PDZRN4: variants seen among roughly 807,000 people sequenced by gnomAD.
The protein encoded by PDZRN4 is PDZ domain-containing RING finger protein 4.
A neutral mutation model predicts 99.0 loss-of-function variants in PDZRN4; 70 were observed. The ratio of observed to expected loss-of-function variants is 0.71; its 90% CI spans 0.58 to 0.86. PDZRN4 has a LOEUF of 0.86. PDZRN4 is among the 40% of genes least tolerant of loss of function. The pLI is 0.00. For missense variants in PDZRN4, 1,474 were observed against 1,331.2 expected, an observed-to-expected ratio of 1.11 and a Z score of -1.67; for synonymous variants, 551 against 501.6, an observed-to-expected ratio of 1.10 and a Z score of -1.32.
At chr12:41,414,191 C>G (rs1484531964) in intron 3 of PDZRN4, among the ~76,000 whole-genome samples, 1 of 152,138 alleles carries the variant, frequency 6.6e-6, no homozygotes, top group Admixed American at 6.5e-5. Context: ...GTTAGCCTGA[C>G]AGGGCTCCCT....
At chr12:41,483,473 G>C (rs1937715732) in intron 3 of PDZRN4, among the ~76,000 whole-genome samples, 1 of 152,116 alleles carries the variant, frequency 6.6e-6, no homozygotes, top group Admixed American at 6.6e-5. Flanking sequence ...GACAGTGACT[G>C]AGATTCCCAA....
At chr12:41,457,432 T>C (rs978582919) in intron 3 of PDZRN4, among the ~76,000 whole-genome samples, 8 of 152,236 alleles carry the variant, frequency 5.3e-5, no homozygotes, top group African/African-American at 1.9e-4. Flanking sequence ...TGCTGGAATT[T>C]TAAAGACGAT....
intron 3 of PDZRN4, among the ~76,000 whole-genome samples, chr12:41,414,540 T>C (rs1952427325): frequency 6.6e-6 from 1 of 151,970 alleles, no homozygotes; most frequent in Non-Finnish European, 1.5e-5. Flanking sequence ...TCCCTTTATT[T>C]TTGTCTGAAA....
intron 3 of PDZRN4, among the ~76,000 whole-genome samples, chr12:41,471,217 G>A (rs77789422): frequency 1.3e-5 from 2 of 152,302 alleles, no homozygotes; most frequent in East Asian, 3.9e-4. Context: ...TATGCAAATG[G>A]AGAAAGAGTA....
At chr12:41,204,248 A>G (rs1034918948) in intron 3 of PDZRN4, among the ~76,000 whole-genome samples, 5 of 152,002 alleles carry the variant, frequency 3.3e-5, no homozygotes, top group African/African-American at 1.2e-4. Context: ...TCTATCCCCT[A>G]TGTCTGTTAG....
chr12:41,549,838 A>G (rs551654177), intron 5 of PDZRN4, among the ~76,000 whole-genome samples: 15 of 152,300 alleles, frequency 9.8e-5, no homozygotes, highest in South Asian at 2.1e-4. Flanking sequence ...TGGCAAATCT[A>G]TAATACTCAT....
intron 3 of PDZRN4, among the ~76,000 whole-genome samples, chr12:41,199,461 G>A (rs1433709033): frequency 1.3e-5 from 2 of 152,010 alleles, no homozygotes; most frequent in Non-Finnish European, 2.9e-5. Flanking sequence ...ACTTCCCAAA[G>A]GATTAAAAAT....
At chr12:41,530,798 T>C (rs1186760230) in intron 5 of PDZRN4, among the ~76,000 whole-genome samples, 1 of 152,122 alleles carries the variant, frequency 6.6e-6, no homozygotes, top group Non-Finnish European at 1.5e-5. Context: ...TTTTCTCCAG[T>C]TGGTTTAAAA....
intron 3 of PDZRN4, among the ~76,000 whole-genome samples, chr12:41,406,014 G>T (rs1004199230): frequency 1.3e-5 from 2 of 152,020 alleles, no homozygotes; most frequent in African/African-American, 4.8e-5. Flanking sequence ...CTCACTACCT[G>T]GGTGTAATAT....
chr12:41,209,937 G>T (rs1207550541), intron 3 of PDZRN4, among the ~76,000 whole-genome samples: 1 of 149,622 alleles, frequency 6.7e-6, no homozygotes, highest in Non-Finnish European at 1.5e-5. Context: ...CTTCCACAAT[G>T]GTTGAACTAG....
At chr12:41,525,993 AG>A (rs1938561960) in intron 5 of PDZRN4, among the ~76,000 whole-genome samples, 1 of 152,188 alleles carries the variant, frequency 6.6e-6, no homozygotes, top group African/African-American at 2.4e-5. Flanking sequence ...ATCTGATTTG[AG>A]GATGATGAGA....
chr12:41,188,620 G>A lies in PDZRN4; in HGVS notation c.165G>A (p.Gln55=). Residue 55 remains glutamine, a synonymous_variant, in exon 1 of 10, where the codon CAG becomes CAA. Transcript: ENST00000402685. Reference sequence around the variant, plus strand: ...TGCGGAGGCGCCGGTGCCCGCTGCAGTGCCAGCCCTTGGCGCCCGGCGAGC... The same window carrying A: ...TGCGGAGGCGCCGGTGCCCGCTGCAATGCCAGCCCTTGGCGCCCGGCGAGC... ...WAVRRRRCPL[Q]CQPLAPGELY... is the part of the protein sequence containing the mutation. The A allele has an allele frequency of 6.5e-7, 1 of 1,539,838 alleles. No homozygotes were observed. The highest frequency in any genetic ancestry group is 8.7e-7 in the Non-Finnish European group (1 of 1,149,650).
At chr12:41,214,728 G>A (rs898924985) in intron 3 of PDZRN4, among the ~76,000 whole-genome samples, 35 of 151,510 alleles carry the variant, frequency 2.3e-4, no homozygotes, top group African/African-American at 8.2e-4. Flanking sequence ...TGGAGATTAG[G>A]GCTTAGAGAA....
At chr12:41,318,430 A>G (rs1331204052) in intron 3 of PDZRN4, among the ~76,000 whole-genome samples, 1 of 152,218 alleles carries the variant, frequency 6.6e-6, no homozygotes, top group Admixed American at 6.5e-5. Flanking sequence ...TTGGGAAAAC[A>G]AAGAAGAAAA....
chr12:41,220,916 A>G lies in PDZRN4; in HGVS notation c.843+26728A>G, dbSNP rs1014172278. Reference sequence around the variant, plus strand: ...TTTTAGGCTCCACCTTTCTACATACACTGCCTATAACCCAGTTATGGCTGA... The same window carrying G: ...TTTTAGGCTCCACCTTTCTACATACGCTGCCTATAACCCAGTTATGGCTGA... On this transcript the variant is annotated intron_variant, in intron 3 of 9. Transcript: ENST00000402685. Among the ~76,000 whole-genome samples, 8 of 152,318 alleles carry G rather than the reference A, an allele frequency of 5.3e-5. No homozygotes were observed. The South Asian group carries it at 1.7e-3, about 32-fold the overall frequency.
chr12:41,329,036 C>T (rs545927108), intron 3 of PDZRN4, among the ~76,000 whole-genome samples: 48 of 152,258 alleles, frequency 3.2e-4, no homozygotes, highest in Admixed American at 5.2e-4. Flanking sequence ...ATTGTCTTCT[C>T]TTTAGGGTTT....
chr12:41,195,400 T>G (rs1450954980), intron 3 of PDZRN4, among the ~76,000 whole-genome samples: 1 of 152,180 alleles, frequency 6.6e-6, no homozygotes, highest in Non-Finnish European at 1.5e-5. Context: ...GGAGGCAGAT[T>G]TTCTATATTA....
At chr12:41,194,451 A>G (rs1950758857) in intron 3 of PDZRN4, among the ~76,000 whole-genome samples, 1 of 152,142 alleles carries the variant, frequency 6.6e-6, no homozygotes, top group African/African-American at 2.4e-5. Context: ...ACTGGGCAAC[A>G]TTGTGAGACT....
chr12:41,319,405 T>C (rs1475840795), intron 3 of PDZRN4, among the ~76,000 whole-genome samples: 1 of 152,102 alleles, frequency 6.6e-6, no homozygotes, highest in African/African-American at 2.4e-5. Flanking sequence ...GCTAGGTCAC[T>C]GGGGGCCTGG....
Sources: allele counts gnomAD v4.1 joint callset (sites outside exome capture counted in the v4.1 genomes callset), GRCh38; gene constraint gnomAD v4.1.1; transcripts MANE v1.5; gene names NCBI Gene and HGNC (gene_info 2026-07-23, HGNC 2026-07-21).